Variants in NRP1 observed in about 807,000 individuals in gnomAD.
NRP1 encodes neuropilin-1.
In NRP1, 35 loss-of-function variants were observed where a neutral mutation model predicts 106.7. That is an observed-to-expected ratio of 0.33 (90% CI 0.25 to 0.43). NRP1 has a LOEUF of 0.43. Ranked by LOEUF, NRP1 falls within the 20% of genes least tolerant of loss-of-function variation. The pLI is 1.00. For synonymous variants in NRP1, 437 were observed against 417.9 expected (o/e 1.05, Z -0.56); for missense variants, 1,024 against 1,170.4 (o/e 0.87, Z 1.83).
At position 33,270,823 on chromosome 10, in the gene NRP1, AT is replaced by A; in HGVS notation, c.281del (p.Asn94MetfsTer14). On this transcript the variant is annotated frameshift_variant, in exon 3 of 17. Transcript: ENST00000374867. LOFTEE classifies it high-confidence loss of function. ...ACTTTCCCCTAAAATGTCCATTTTC[AT>A]TTTCTCCATCGAAGACTTCCACGTA... Reference protein sequence around the residue: ...YDYVEVFDGENENGHFRGKFC... With the variant: ...YDYVEVFDGEXENGHFRGKFC... 6.2e-7 allele frequency: 1 copy of A among 1,613,280 alleles called. No homozygotes were observed.
chr10:33,273,704 G>A (rs1413775179), intron 2 of NRP1, among the ~76,000 whole-genome samples: 1 of 152,152 alleles, frequency 6.6e-6, no homozygotes, highest in African/African-American at 2.4e-5. Context: ...TGTTCCAGCC[G>A]CTGGATGAGA....
At chr10:33,330,641 C>T in intron 2 of NRP1, 67 bp downstream of exon 2, 1 of 1,395,354 alleles carries the variant, frequency 7.2e-7, no homozygotes, top group Non-Finnish European at 9.8e-7. Flanking sequence ...CACCGACTTC[C>T]CCCCCGTAGA....
chr10:33,325,192 A>C (rs1847801834), intron 2 of NRP1, among the ~76,000 whole-genome samples: 1 of 152,202 alleles, frequency 6.6e-6, no homozygotes, highest in African/African-American at 2.4e-5. Context: ...CTAAAGGTAT[A>C]TATTCTTCTC....
At chr10:33,297,917 G>GA (rs5784331) in intron 2 of NRP1, among the ~76,000 whole-genome samples, 503 of 148,804 alleles carry the variant, frequency 3.4e-3, no homozygotes, top group Middle Eastern at 6.9e-3. Flanking sequence ...GCTATTCTAA[G>GA]AAAAAAAAAA....
intron 8 of NRP1, among the ~76,000 whole-genome samples, chr10:33,220,900 C>CAAAAAAAAAAAAAAAAAAAAAAAAA (rs35895871): frequency 4.9e-5 from 3 of 60,680 alleles, no homozygotes; most frequent in Non-Finnish European, 8.6e-5. Context: ...GGCTCAGTCT[C>CAAAAAAAAAAAAAAAAAAAAAAAAA]AAAAAAAAAA....
chr10:33,204,379 C>T (rs2250706), intron 10 of NRP1, among the ~76,000 whole-genome samples: 69,905 of 152,062 alleles, frequency 0.46, 16,385 homozygotes, highest in East Asian at 0.72. Context: ...ATACATGCCA[C>T]TCAGGCCTGC....
In NRP1 at chr10:33,190,212, T is replaced by C. The variant is rs150007756; in HGVS notation, c.2062+2069A>G. Reference sequence around the variant, plus strand: ...TTTACTTCTGCAAGCCTTTTAGCTTTTGTCTCTGGCTAACATAGCTTTTAA... The same window carrying C: ...TTTACTTCTGCAAGCCTTTTAGCTTCTGTCTCTGGCTAACATAGCTTTTAA... On this transcript the variant is annotated intron_variant, in intron 13 of 16. Transcript: ENST00000374867. Among the ~76,000 whole-genome samples the C allele has an allele frequency of 2.5e-3, 379 of 152,340 alleles. 1 individual carries two copies. Among genetic ancestry groups the C allele is most frequent in the African/African-American group, 8.3e-3 (344 of 41,580 alleles).
At chr10:33,202,330 A>G (rs1186447136) in intron 11 of NRP1, 1 of 249,856 alleles carries the variant, frequency 4.0e-6, no homozygotes, top group Admixed American at 5.0e-5. Context: ...TTTGGCACAC[A>G]ACATCTCTGA....
At chr10:33,216,619 A>ATT (rs748021851) in intron 8 of NRP1, among the ~76,000 whole-genome samples, 3 of 142,784 alleles carry the variant, frequency 2.1e-5, no homozygotes, top group Non-Finnish European at 1.5e-5. Flanking sequence ...ATGATTGGCA[A>ATT]TTTTTTTTTT....
At chr10:33,289,935 A>G (rs1370854600) in intron 2 of NRP1, among the ~76,000 whole-genome samples, 2 of 152,190 alleles carry the variant, frequency 1.3e-5, no homozygotes, top group Non-Finnish European at 2.9e-5. Flanking sequence ...CTTCATTTGA[A>G]TTTCAAATTC....
intron 9 of NRP1, chr10:33,212,473 C>A (rs879868251): frequency 6.6e-6 from 1 of 152,134 alleles, no homozygotes; most frequent in Admixed American, 6.6e-5. Flanking sequence ...TGAATTCACA[C>A]AGACAGAAAG....
Position 33,213,541 on chromosome 10 carries a change from T to C in NRP1, c.1459A>G (p.Ile487Val), listed in dbSNP as rs182437025. 66 of 1,613,964 alleles carry C rather than the reference T, an allele frequency of 4.1e-5. 2 individuals are homozygous for C. The African/African-American group carries it at 7.2e-4, about 18-fold the overall frequency. Residue 487 changes from isoleucine (I) to valine (V), a missense_variant, in exon 9 of 17, where the codon ATA (isoleucine) becomes GTA (valine). Physicochemically the swap from Ile to Val is conservative, Grantham distance 29. Transcript: ENST00000374867. ...ACGATCTTCTCCTCCCCCAGGTCTA[T>C]TTGGAGCCACTCATTGATGTAGGAA... ...PHSYINEWLQ[I>V]DLGEEKIVRG...
At chr10:33,274,366 G>A (rs942896014) in intron 2 of NRP1, among the ~76,000 whole-genome samples, 21 of 152,200 alleles carry the variant, frequency 1.4e-4, no homozygotes, top group African/African-American at 5.1e-4. Context: ...TTTCCCAGAA[G>A]AGTGCTCAAA....
intron 2 of NRP1, among the ~76,000 whole-genome samples, chr10:33,329,113 A>C (rs1371081545): frequency 1.3e-5 from 2 of 152,220 alleles, no homozygotes; most frequent in African/African-American, 4.8e-5. Context: ...TGACACTGTA[A>C]AAACCACCAT....
chr10:33,228,516 T>G (rs937209344), intron 6 of NRP1, among the ~76,000 whole-genome samples: 2 of 152,256 alleles, frequency 1.3e-5, no homozygotes, highest in African/African-American at 4.8e-5. Context: ...CCAGTGCCCA[T>G]GGGCCACGAA....
At chr10:33,325,102 T>G (rs2132920359) in intron 2 of NRP1, among the ~76,000 whole-genome samples, 1 of 152,364 alleles carries the variant, frequency 6.6e-6, no homozygotes, top group African/African-American at 2.4e-5. Context: ...AGATTGGTTT[T>G]GTGGATGTAT....
chr10:33,189,869 A>T (rs974240066), intron 13 of NRP1, among the ~76,000 whole-genome samples: 1 of 152,164 alleles, frequency 6.6e-6, no homozygotes, highest in African/African-American at 2.4e-5. Flanking sequence ...TTTCATCTGG[A>T]TCTTTTTCCC....
chr10:33,199,389 A>ATTTTTTTTTT lies in NRP1; in HGVS notation c.1865-1690_1865-1681dup, dbSNP rs1160327036. ...TTTCTATATATATATATATATATAT[A>ATTTTTTTTTT]TTTTTTTTTTTTTTTTTTTTTTTTT... On this transcript the variant is annotated intron_variant, in intron 11 of 16. Transcript: ENST00000374867. Among the ~76,000 whole-genome samples, 4 of 36,854 alleles carry ATTTTTTTTTT rather than the reference A, an allele frequency of 1.1e-4. 1 individual carries two copies. Among genetic ancestry groups the ATTTTTTTTTT allele is most frequent in the Non-Finnish European group, 1.4e-4 (3 of 22,152 alleles). The allele number at this position is 36,854 out of a possible 152,430, so 24.2% of individuals were successfully genotyped here.
rs781760641 is a variant in NRP1 at position 33,194,703 on chromosome 10, G to A, written c.1925-2285C>T. The A allele has an allele frequency of 5.8e-6, 3 of 519,304 alleles. No individual in the cohort carries two copies. In the East Asian group the frequency reaches 1.7e-4, roughly 29 times the overall value. The allele number at this position is 519,304 out of a possible 1,614,324, so 32.2% of individuals were successfully genotyped here. Reference sequence around the variant, plus strand: ...ACTTGTGGCAATTTGGTTATTTAAAGGATATGTTTTTAGATCAATGCCTTT... The same window carrying A: ...ACTTGTGGCAATTTGGTTATTTAAAAGATATGTTTTTAGATCAATGCCTTT... On this transcript the variant is annotated intron_variant, in intron 12 of 16. Transcript: ENST00000374867.
Sources: gnomAD v4.1 joint callset for allele counts (sites outside exome capture counted in the v4.1 genomes callset) on GRCh38, gnomAD v4.1.1 for gene constraint, MANE v1.5 for transcripts, NCBI Gene and HGNC (gene_info 2026-07-23, HGNC 2026-07-21) for gene names.